Variants in DZIP1 observed in about 807,000 individuals in gnomAD.
DZIP1 encodes DAZ interacting zinc finger protein 1.
A neutral mutation model predicts 107.6 loss-of-function variants in DZIP1; 97 were observed. The ratio of observed to expected loss-of-function variants is 0.90; its 90% CI spans 0.77 to 1.07. DZIP1 has a LOEUF of 1.07. DZIP1 is among the 50% of genes least tolerant of loss of function. The pLI is 0.00. For missense variants in DZIP1, 1,035 were observed against 1,063.6 expected (o/e 0.97, Z 0.37); for synonymous variants, 390 against 386.4 (o/e 1.01, Z -0.11).
At chr13:95,635,355 C>T (rs1345861003) in intron 5 of DZIP1, among the ~76,000 whole-genome samples, 1 of 152,040 alleles carries the variant, frequency 6.6e-6, no homozygotes, top group Non-Finnish European at 1.5e-5. Context: ...CGCCACCACT[C>T]CCAGCTAATT....
intron 5 of DZIP1, among the ~76,000 whole-genome samples, chr13:95,639,458 G>T (rs560539129): frequency 6.6e-6 from 1 of 152,146 alleles, no homozygotes; most frequent in African/African-American, 2.4e-5. Flanking sequence ...GGGCATGGTG[G>T]TGCACACCTG....
intron 5 of DZIP1, among the ~76,000 whole-genome samples, chr13:95,636,759 G>A (rs1042205516): frequency 6.6e-6 from 1 of 152,136 alleles, no homozygotes; most frequent in Non-Finnish European, 1.5e-5. Flanking sequence ...TGGTTTCCCA[G>A]AAGTAGAGAA....
At chr13:95,627,386 G>A (rs1484649077) in intron 7 of DZIP1, among the ~76,000 whole-genome samples, 1 of 151,922 alleles carries the variant, frequency 6.6e-6, no homozygotes, top group African/African-American at 2.4e-5. Context: ...ACCTAATAGA[G>A]CTAAAGTGAT....
At chr13:95,640,001 T>TA (rs201066516) in intron 5 of DZIP1, among the ~76,000 whole-genome samples, 130 of 146,048 alleles carry the variant, frequency 8.9e-4, no homozygotes, top group East Asian at 1.6e-3. Flanking sequence ...TTTATTTATT[T>TA]TTTTTTTTTT....
Position 95,612,172 on chromosome 13 carries a change from C to T in DZIP1, c.1179G>A (p.Leu393=), listed in dbSNP as rs140072297. Residue 393 remains leucine (L), a synonymous_variant, in exon 11 of 23, where the codon CTG becomes CTA. Coordinates refer to ENST00000376829, the MANE Select transcript of DZIP1 (RefSeq NM_198968.4). Reference sequence around the variant, plus strand: ...AGGTTCGAAGTTTCTCTATATGTGACAGGAGCTGAAAAAAAGTTAAGAAAG... The same window carrying T: ...AGGTTCGAAGTTTCTCTATATGTGATAGGAGCTGAAAAAAAGTTAAGAAAG... ...QEHKKEKGRL[L]SHIEKLRTSM... is the part of the protein sequence containing the mutation. 1.6e-5 allele frequency: 25 copies of T among 1,607,226 alleles called. No homozygotes were observed. The East Asian group carries it at 5.6e-4, about 36-fold the overall frequency.
chr13:95,600,695 C>G (rs1329036871), intron 14 of DZIP1, among the ~76,000 whole-genome samples: 6 of 152,034 alleles, frequency 3.9e-5, no homozygotes, highest in South Asian at 2.1e-4. Flanking sequence ...AGCCAGCAAC[C>G]TAGTCAATGT....
intron 1 of DZIP1, 120 bp from the exon 2 acceptor site, chr13:95,643,818 C>T (rs1481074179): frequency 1.3e-5 from 2 of 152,294 alleles, no homozygotes; most frequent in Non-Finnish European, 2.9e-5. Flanking sequence ...CCCTTTATCC[C>T]TCCTATTTTT....
At chr13:95,600,699 T>G (rs1033837053) in intron 14 of DZIP1, among the ~76,000 whole-genome samples, 2 of 152,126 alleles carry the variant, frequency 1.3e-5, no homozygotes, top group Non-Finnish European at 2.9e-5. Flanking sequence ...AGCAACCTAG[T>G]CAATGTATGT....
intron 11 of DZIP1, 67 bp downstream of exon 11, chr13:95,611,970 A>C: frequency 1.3e-6 from 2 of 1,556,370 alleles, no homozygotes. Flanking sequence ...TCTAAAGTAA[A>C]AACACATGTT....
intron 13 of DZIP1, among the ~76,000 whole-genome samples, chr13:95,606,333 A>T (rs2044775928): frequency 6.6e-6 from 1 of 152,072 alleles, no homozygotes; most frequent in African/African-American, 2.4e-5. Flanking sequence ...TAATTCTCGA[A>T]CATTTGCTTC....
rs1045319075 is a variant in DZIP1 at position 95,580,419 on chromosome 13, T to A, written c.*1815A>T. 1.1e-4 allele frequency: 16 copies of A among 151,984 alleles called. No individual in the cohort carries two copies. Among genetic ancestry groups the A allele is most frequent in the African/African-American group, 3.6e-4 (15 of 41,458 alleles). 9.4% of individuals were successfully genotyped at this position (151,984 alleles called of 1,614,324 possible). ...AAAGACACAGATATAGTGACTTAAT[T>A]TAAATACTGGGTTTACTTAGCAAAA... is the stretch of plus-strand genomic sequence containing the variant. On this transcript the variant is annotated 3_prime_UTR_variant, in exon 23 of 23. Coordinates refer to ENST00000376829, the MANE Select transcript of DZIP1 (RefSeq NM_198968.4).
chr13:95,583,498 C>T (rs917323973), intron 22 of DZIP1, among the ~76,000 whole-genome samples: 5 of 152,042 alleles, frequency 3.3e-5, no homozygotes, highest in African/African-American at 9.7e-5. Context: ...TTCTGAACAA[C>T]TCAGCTTTCA....
At chr13:95,636,601 CTG>C (rs1278741948) in intron 5 of DZIP1, among the ~76,000 whole-genome samples, 1 of 149,938 alleles carries the variant, frequency 6.7e-6, no homozygotes, top group Non-Finnish European at 1.5e-5. Flanking sequence ...AAAAGAGACA[CTG>C]TTGAAAACTG....
chr13:95,600,629 T>TAGATAGATAGATAGACAGACAGACAGAC (rs147121754), intron 14 of DZIP1, among the ~76,000 whole-genome samples: 1 of 147,460 alleles, frequency 6.8e-6, no homozygotes, highest in East Asian at 2.0e-4. Context: ...GATAGATAGA[T>TAGATAGATAGATAGACAGACAGACAGAC]AGACAGACAG....
intron 6 of DZIP1, among the ~76,000 whole-genome samples, chr13:95,631,667 T>C (rs543340795): frequency 3.2e-4 from 49 of 152,212 alleles, no homozygotes; most frequent in African/African-American, 1.1e-3. Flanking sequence ...ATACCATCTA[T>C]ATTGTCGGTG....
intron 22 of DZIP1, among the ~76,000 whole-genome samples, chr13:95,582,942 C>T (rs144971924): frequency 8.4e-4 from 128 of 152,264 alleles, no homozygotes; most frequent in Non-Finnish European, 1.0e-3. Context: ...CAACAGGTCT[C>T]CTGGTTTTCA....
intron 10 of DZIP1, among the ~76,000 whole-genome samples, chr13:95,619,219 A>AGACCTTTCC (rs1875511671): frequency 1.3e-5 from 2 of 152,252 alleles, no homozygotes; most frequent in African/African-American, 4.8e-5. Context: ...GGTCTATGAT[A>AGACCTTTCC]TATAAAGTGA....
chr13:95,639,123 T>C (rs1327091641), intron 5 of DZIP1, among the ~76,000 whole-genome samples: 2 of 152,138 alleles, frequency 1.3e-5, no homozygotes, highest in Non-Finnish European at 2.9e-5. Context: ...CAATCCCCAT[T>C]AACAACTGCT....
chr13:95,624,708 A>T, intron 8 of DZIP1, 60 bp downstream of exon 8: 1 of 1,477,982 alleles, frequency 6.8e-7, no homozygotes, highest in Admixed American at 2.0e-5. Flanking sequence ...CCTTAATGCC[A>T]TCCTAACACC....
Sources: allele counts gnomAD v4.1 joint callset (sites outside exome capture counted in the v4.1 genomes callset), GRCh38; gene constraint gnomAD v4.1.1; transcripts MANE v1.5; gene names NCBI Gene and HGNC (gene_info 2026-07-23, HGNC 2026-07-21).